The following IL5RA variants were observed in gnomAD, a reference collection of about 807,000 sequenced individuals.
IL5RA encodes interleukin 5 receptor subunit alpha.
In IL5RA, 49 loss-of-function variants were observed where a neutral mutation model predicts 50.0. That is an observed-to-expected ratio of 0.98 (90% CI 0.78 to 1.24). IL5RA has a LOEUF of 1.24. Ranked by LOEUF, IL5RA falls within the 50% of genes most tolerant of loss-of-function variation. The pLI is 0.00. For synonymous variants in IL5RA, 202 were observed against 174.0 expected (o/e 1.16, Z -1.26); for missense variants, 600 against 500.4 (o/e 1.20, Z -1.90).
intron 5 of IL5RA, among the ~76,000 whole-genome samples, chr3:3,100,476 T>A (rs1427398106): frequency 6.6e-6 from 1 of 152,218 alleles, no homozygotes; most frequent in African/African-American, 2.4e-5. Context: ...ACCAACCTAA[T>A]ATATATTTGT....
At chr3:3,083,412 AC>A (rs1456148056) in intron 9 of IL5RA, among the ~76,000 whole-genome samples, 1 of 152,108 alleles carries the variant, frequency 6.6e-6, no homozygotes, top group Non-Finnish European at 1.5e-5. Flanking sequence ...GGAAATGGAG[AC>A]TGTGTATTTG....
intron 3 of IL5RA, 36 bp downstream of exon 3, chr3:3,104,867 A>C: frequency 7.7e-7 from 1 of 1,297,104 alleles, no homozygotes; most frequent in Non-Finnish European, 1.1e-6. Flanking sequence ...ATATTTTTAA[A>C]AATAAACATT....
rs1000699231 is a variant in IL5RA at position 3,092,596 on chromosome 3, C to G, written c.856-234G>C. Among the ~76,000 whole-genome samples, 1 of 152,194 alleles carries G rather than the reference C, an allele frequency of 6.6e-6. No individual in the cohort carries two copies. The highest frequency in any genetic ancestry group is 1.5e-5 in the Non-Finnish European group (1 of 68,042). On this transcript the variant is annotated intron_variant, in intron 8 of 11. Coordinates refer to ENST00000446632, the MANE Select transcript of IL5RA (RefSeq NM_175726.4). This position sits in a 1 kb window ranked among gnomAD's most constrained non-coding sequence, Gnocchi z 4.2. The stretch of plus-strand genomic sequence containing the variant: ...CAAAATATACGAAATGATCAACGGT[C>G]AAGATCCAGGTGTTCCTATCCAGGC...
rs1702446183 is a variant in IL5RA at position 3,075,460 on chromosome 3, C to T, written c.1092-594G>A. Among the ~76,000 whole-genome samples, 3 of 152,030 alleles carry T rather than the reference C, an allele frequency of 2.0e-5. No individual in the cohort carries two copies. The South Asian group carries it at 6.2e-4, about 32-fold the overall frequency. Reference sequence around the variant, plus strand: ...TCAAGTGATCCTCCAGCCTCAGCCTCCCAAAGTGCTGAGATTACAGGCATG... The same window carrying T: ...TCAAGTGATCCTCCAGCCTCAGCCTTCCAAAGTGCTGAGATTACAGGCATG... On this transcript the variant is annotated intron_variant, in intron 10 of 11. Transcript: ENST00000446632.
chr3:3,071,551 C>CTGTGTG (rs1559858771), intron 11 of IL5RA, among the ~76,000 whole-genome samples: 62 of 126,480 alleles, frequency 4.9e-4, no homozygotes, highest in African/African-American at 1.9e-3. Context: ...TCTTCCTTCA[C>CTGTGTG]AGTGTGTGTG....
At chr3:3,107,003 T>C (rs1347076691) in intron 2 of IL5RA, among the ~76,000 whole-genome samples, 2 of 152,182 alleles carry the variant, frequency 1.3e-5, no homozygotes, top group Admixed American at 6.5e-5. Context: ...TTGAATATTT[T>C]ATATGAGCAA....
Position 3,095,443 on chromosome 3 carries a change from A to T in IL5RA, c.711T>A (p.Asp237Glu), listed in dbSNP as rs751048464. 4.4e-6 allele frequency: 7 copies of T among 1,604,884 alleles called. No homozygotes were observed. The highest frequency in any genetic ancestry group is 5.9e-6 in the Non-Finnish European group (7 of 1,177,674). The part of the protein sequence containing the change: ...FDQLFALHAI[D>E]QINPPLNVTA... ...TGACATTCAGTGGAGGATTTATTTG[A>T]TCTAAGTTAGGGAACGAAAGATCAG... Residue 237 changes from aspartate to glutamate, a missense_variant and splice_region_variant, in exon 8 of 12, where the codon GAT becomes GAA. Transcript: ENST00000446632.
intron 10 of IL5RA, 112 bp from the exon 11 acceptor site, chr3:3,074,978 C>A: frequency 1.5e-6 from 1 of 685,166 alleles, no homozygotes. Flanking sequence ...TTTGTAAATT[C>A]AAAATCTTTA....
intron 9 of IL5RA, among the ~76,000 whole-genome samples, chr3:3,085,815 C>T (rs1702834169): frequency 6.6e-6 from 1 of 152,112 alleles, no homozygotes; most frequent in Non-Finnish European, 1.5e-5. Context: ...CTGAGACCCC[C>T]ACTCCACCAG....
chr3:3,097,601 G>A (rs1703422149), intron 7 of IL5RA, among the ~76,000 whole-genome samples: 2 of 152,008 alleles, frequency 1.3e-5, no homozygotes, highest in South Asian at 2.1e-4. Flanking sequence ...GGACAGAGGG[G>A]CATACTACTG....
intron 9 of IL5RA, among the ~76,000 whole-genome samples, chr3:3,087,522 G>C (rs551767109): frequency 7.9e-5 from 12 of 152,196 alleles, no homozygotes; most frequent in Admixed American, 3.9e-4. Flanking sequence ...TTCACTGATT[G>C]GCTCATATGT....
At chr3:3,109,070 C>A (rs1206468202) in intron 1 of IL5RA, among the ~76,000 whole-genome samples, 1 of 152,096 alleles carries the variant, frequency 6.6e-6, no homozygotes, top group Non-Finnish European at 1.5e-5. Flanking sequence ...ATAAAAGCAC[C>A]ATCACTTTTC....
Position 3,092,339 on chromosome 3 carries a change from T to G in IL5RA, c.879A>C (p.Ala293=). 1 of 1,613,694 alleles carries G rather than the reference T, an allele frequency of 6.2e-7. No homozygotes were observed. Among genetic ancestry groups the G allele is most frequent in the Non-Finnish European group, 8.5e-7 (1 of 1,179,896 alleles). The stretch of plus-strand genomic sequence containing the variant: ...AAAGATCATCAATTATTGAGATGAA[T>G]GCATTGGTCATCAATTTTTCTATCT... ...YLQIEKLMTN[A]FISIIDDLSK... The change falls in exon 9 of 12, where the codon GCA becomes GCC. Residue 293 remains alanine, a synonymous_variant. Transcript: ENST00000446632. This position sits in a 1 kb window ranked among gnomAD's most constrained non-coding sequence, Gnocchi z 4.2.
chr3:3,098,606 C>G (rs9877044), intron 5 of IL5RA, among the ~76,000 whole-genome samples: 16,440 of 152,156 alleles, frequency 0.11, 1,007 homozygotes, highest in South Asian at 0.14. Context: ...TGGCGTTTCA[C>G]CATGATGGCC....
At chr3:3,078,308 G>A (rs1045011194) in intron 9 of IL5RA, among the ~76,000 whole-genome samples, 11 of 152,160 alleles carry the variant, frequency 7.2e-5, no homozygotes, top group Non-Finnish European at 1.2e-4. Context: ...GATACCTTGG[G>A]ATATAATGCT....
rs770382592 is a variant in IL5RA, at chr3:3,092,200, G to A, written c.994+24C>T. 12 of 1,605,622 alleles carry A rather than the reference G, an allele frequency of 7.5e-6. No homozygotes were observed. Among genetic ancestry groups the A allele is most frequent in the Middle Eastern group, 1.7e-4 (1 of 6,032 alleles). The stretch of plus-strand genomic sequence containing the variant: ...TTTGATCACAAGGAAGGCTGCCAAT[G>A]TAAAATAAACATAAGCTACTTACCC... On this transcript the variant is annotated intron_variant, in intron 9 of 11. Transcript: ENST00000446632. This position sits in a 1 kb window ranked among gnomAD's most constrained non-coding sequence, Gnocchi z 4.2.
At chr3:3,079,162 T>C (rs1382688759) in intron 9 of IL5RA, among the ~76,000 whole-genome samples, 1 of 152,346 alleles carries the variant, frequency 6.6e-6, no homozygotes, top group East Asian at 1.9e-4. Context: ...TTGAAAAGTT[T>C]GTTTATACCA....
intron 5 of IL5RA, among the ~76,000 whole-genome samples, chr3:3,101,145 C>T (rs9813375): frequency 0.14 from 20,343 of 149,636 alleles, 1,504 homozygotes; most frequent in East Asian, 0.17. Flanking sequence ...CACCACTGCA[C>T]TTCAGCCTGG....
At position 3,095,546 on chromosome 3, in the gene IL5RA, G is replaced by C. The variant is rs983689557; in HGVS notation, c.710-102C>G. The C allele has an allele frequency of 7.2e-6, 7 of 973,590 alleles. No homozygotes were observed. In the South Asian group the frequency reaches 8.7e-5, roughly 12 times the overall value. 60.3% of individuals were successfully genotyped at this position (973,590 alleles called of 1,614,324 possible). On this transcript the variant is annotated intron_variant, in intron 7 of 11. Transcript: ENST00000446632. ...ACTTCTCAAGGCATTTCTAAGATACGCTTTTTTCAAATATTTACCATCAGG... is the reference window on the plus strand; with the variant it reads ...ACTTCTCAAGGCATTTCTAAGATACCCTTTTTTCAAATATTTACCATCAGG...
Sources: allele counts gnomAD v4.1 joint callset (sites outside exome capture counted in the v4.1 genomes callset), GRCh38; gene constraint gnomAD v4.1.1; non-coding constraint Gnocchi (gnomAD v3.1); transcripts MANE v1.5; gene names NCBI Gene and HGNC (gene_info 2026-07-23, HGNC 2026-07-21).